The following ARMC9 variants were observed in gnomAD, a reference collection of about 807,000 sequenced individuals.
ARMC9 encodes lisH domain-containing protein ARMC9.
Under a neutral mutation model 107.0 loss-of-function variants are expected in ARMC9, and 94 were observed. The observed-to-expected ratio is 0.88, with a 90% confidence interval of 0.74 to 1.04. ARMC9 has a LOEUF of 1.04. Ranked by LOEUF, ARMC9 falls within the 50% of genes least tolerant of loss-of-function variation. The pLI is 0.00. For missense variants in ARMC9, 942 were observed against 1,030.1 expected (o/e 0.91, Z 1.17); for synonymous variants, 380 against 396.9 (o/e 0.96, Z 0.51).
At chr2:231,199,207 A>G (rs2030311613) in intron 1 of ARMC9, among the ~76,000 whole-genome samples, 1 of 152,226 alleles carries the variant, frequency 6.6e-6, no homozygotes, top group Non-Finnish European at 1.5e-5. Context: ...TTTCTTATAT[A>G]GGAATTCAAA....
chr2:231,335,551 C>T (rs950709884), intron 20 of ARMC9, among the ~76,000 whole-genome samples: 2 of 152,178 alleles, frequency 1.3e-5, no homozygotes, highest in Admixed American at 6.5e-5. Context: ...CTGAAGAGCA[C>T]GGCGATCTCA....
At position 231,372,365 on chromosome 2, in the gene ARMC9, T is replaced by TC; in HGVS notation, c.*834dup. 6.6e-6 allele frequency: 1 copy of TC among 152,060 alleles called. No homozygotes were observed. The highest frequency in any genetic ancestry group is 1.5e-5 in the Non-Finnish European group (1 of 68,022). 9.4% of individuals were successfully genotyped at this position (152,060 alleles called of 1,614,324 possible). A position where few individuals can be genotyped will look rare whatever the true frequency, so the allele number is the denominator to read the frequency against. ...GCCTGGGTGACAGAGCGAGACTCCG[T>TC]CCCCAAAAAAAAAATTCTGAGAATA... On this transcript the variant is annotated 3_prime_UTR_variant, in exon 25 of 25. Coordinates refer to ENST00000611582, the MANE Select transcript of ARMC9 (RefSeq NM_001352754.2).
At chr2:231,330,278 A>C (rs2043638746) in intron 19 of ARMC9, among the ~76,000 whole-genome samples, 1 of 144,778 alleles carries the variant, frequency 6.9e-6, no homozygotes, top group Non-Finnish European at 1.5e-5. Context: ...CCCAGACTGA[A>C]GTACGATGGC....
At chr2:231,227,533 C>A (rs573921701) in intron 7 of ARMC9, among the ~76,000 whole-genome samples, 1 of 152,224 alleles carries the variant, frequency 6.6e-6, no homozygotes, top group African/African-American at 2.4e-5. Context: ...TTGTTCCATG[C>A]GCCAGCACAT....
rs1217423305 is a variant in ARMC9 at position 231,358,335 on chromosome 2, C to T, written c.2131+2401C>T. ...CTCCAGACAGTCCTGCTTCTCCATC[C>T]CTCCCCTCCACTTCAATTGATTGAT... On this transcript the variant is annotated intron_variant, in intron 22 of 24. Coordinates refer to ENST00000611582, the MANE Select transcript of ARMC9 (RefSeq NM_001352754.2). This position sits in a 1 kb window ranked among gnomAD's most constrained non-coding sequence, Gnocchi z 4.5. Among the ~76,000 whole-genome samples the T allele has an allele frequency of 6.7e-6, 1 of 148,276 alleles. No individual in the cohort carries two copies. The highest frequency in any genetic ancestry group is 1.5e-5 in the Non-Finnish European group (1 of 67,974).
chr2:231,278,132 T>A (rs150965402), intron 15 of ARMC9, among the ~76,000 whole-genome samples: 2 of 152,196 alleles, frequency 1.3e-5, no homozygotes, highest in African/African-American at 2.4e-5. Context: ...CTACACTGAG[T>A]CCTTTACATA....
At chr2:231,361,478 A>G (rs1343066892) in intron 23 of ARMC9, among the ~76,000 whole-genome samples, 2 of 151,472 alleles carry the variant, frequency 1.3e-5, no homozygotes, top group African/African-American at 2.4e-5. Flanking sequence ...AAAAAAGAAA[A>G]GAAAAAACTG....
At chr2:231,281,760 T>A (rs912105594) in intron 16 of ARMC9, among the ~76,000 whole-genome samples, 1 of 151,824 alleles carries the variant, frequency 6.6e-6, no homozygotes, top group Admixed American at 6.6e-5. Flanking sequence ...GACTCCAGAG[T>A]TTCTAGCCTG....
intron 1 of ARMC9, among the ~76,000 whole-genome samples, chr2:231,199,639 C>T (rs2030445940): frequency 6.6e-6 from 1 of 152,190 alleles, no homozygotes; most frequent in Admixed American, 6.5e-5. Context: ...TACCATATAC[C>T]TTCAATAAAT....
Position 231,297,459 on chromosome 2 carries a change from C to A in ARMC9, c.1773+1206C>A, listed in dbSNP as rs1441119795. Among the ~76,000 whole-genome samples the A allele has an allele frequency of 6.6e-6, 1 of 152,182 alleles. No homozygotes were observed. Among genetic ancestry groups the A allele is most frequent in the Non-Finnish European group, 1.5e-5 (1 of 68,024 alleles). On this transcript the variant is annotated intron_variant, in intron 19 of 24. Transcript: ENST00000611582. The surrounding 1 kb of genome is among the most constrained non-coding windows in gnomAD (Gnocchi z 4.2). ...GGAAAAGATAGGAACTATTTTAGGG[C>A]TTGCAGGCCACACAGTCTCTGTTCC...
intron 12 of ARMC9, among the ~76,000 whole-genome samples, chr2:231,265,869 A>T (rs1223239711): frequency 6.6e-6 from 1 of 151,852 alleles, no homozygotes; most frequent in African/African-American, 2.4e-5. Flanking sequence ...TTAGCCATGT[A>T]TGGTGGTGTG....
intron 19 of ARMC9, among the ~76,000 whole-genome samples, chr2:231,304,434 G>C (rs1189832040): frequency 1.3e-5 from 2 of 152,038 alleles, no homozygotes; most frequent in African/African-American, 4.8e-5. Flanking sequence ...TCACTCTATC[G>C]CCCAGGCTGG....
In ARMC9 at chr2:231,261,404, A is replaced by G. The variant is rs140623934; in HGVS notation, c.1027-902A>G. Among the ~76,000 whole-genome samples the G allele has an allele frequency of 4.8e-4, 73 of 152,328 alleles. No individual in the cohort carries two copies. The South Asian group carries it at 5.4e-3, about 11-fold the overall frequency. On this transcript the variant is annotated intron_variant, in intron 11 of 24. Coordinates refer to ENST00000611582, the MANE Select transcript of ARMC9 (RefSeq NM_001352754.2). ...TACAAAATTCTAGCCAGCTACCTCT[A>G]CACTCATGCATGCACGCACACACAC...
intron 19 of ARMC9, among the ~76,000 whole-genome samples, chr2:231,325,826 G>C (rs1411978886): frequency 6.6e-6 from 1 of 152,156 alleles, no homozygotes; most frequent in African/African-American, 2.4e-5. Flanking sequence ...TCAGGACAGC[G>C]GGTCTGCTAG....
At chr2:231,222,650 GCCTAATGA>G in intron 5 of ARMC9, 70 bp from the exon 6 acceptor site, 3 of 791,364 alleles carry the variant, frequency 3.8e-6, no homozygotes, top group Non-Finnish European at 4.0e-6. Flanking sequence ...GGGTTTTTTA[GCCTAATGA>G]CCTCAACTTG....
intron 17 of ARMC9, among the ~76,000 whole-genome samples, chr2:231,282,868 T>G (rs895260364): frequency 6.6e-6 from 1 of 152,252 alleles, no homozygotes; most frequent in African/African-American, 2.4e-5. Flanking sequence ...CCTACTGCTT[T>G]TAAATTTCAC....
chr2:231,344,413 C>T (rs2044695273), intron 20 of ARMC9, among the ~76,000 whole-genome samples: 1 of 152,142 alleles, frequency 6.6e-6, no homozygotes, highest in Non-Finnish European at 1.5e-5. Context: ...CTTCTACTTA[C>T]TAGTAATACT....
intron 19 of ARMC9, among the ~76,000 whole-genome samples, chr2:231,312,059 C>T (rs1446810793): frequency 6.6e-6 from 1 of 152,156 alleles, no homozygotes; most frequent in Non-Finnish European, 1.5e-5. Context: ...AAAACTACCC[C>T]AAATCTTAGT....
At chr2:231,221,254 C>T (rs1263611578) in intron 5 of ARMC9, among the ~76,000 whole-genome samples, 5 of 152,172 alleles carry the variant, frequency 3.3e-5, no homozygotes, top group Admixed American at 1.3e-4. Context: ...GTCCCATGGC[C>T]GTCTTCCTTC....
Sources: gnomAD v4.1 joint callset for allele counts (sites outside exome capture counted in the v4.1 genomes callset) on GRCh38, gnomAD v4.1.1 for gene constraint, Gnocchi (gnomAD v3.1) non-coding constraint, MANE v1.5 for transcripts, NCBI Gene and HGNC (gene_info 2026-07-23, HGNC 2026-07-21) for gene names.